Variants in ZNF260 observed in about 807,000 individuals in gnomAD.
The protein encoded by ZNF260 is zinc finger protein 260.
Under a neutral mutation model 29.3 loss-of-function variants are expected in ZNF260, and 21 were observed. That is an observed-to-expected ratio of 0.72 (90% CI 0.51 to 1.03). The LOEUF (loss-of-function observed/expected upper bound fraction) is 1.03. Ranked by LOEUF, ZNF260 falls within the 50% of genes least tolerant of loss-of-function variation. The pLI is 0.00. For synonymous variants in ZNF260, 156 were observed against 156.8 expected (o/e 0.99, Z 0.04); for missense variants, 465 against 487.8 (o/e 0.95, Z 0.44).
At chr19:36,527,035 T>C (rs892172482) in intron 1 of ZNF260, among the ~76,000 whole-genome samples, 1 of 152,158 alleles carries the variant, frequency 6.6e-6, no homozygotes, top group Non-Finnish European at 1.5e-5. Context: ...AGGAGCCCTT[T>C]AGACATAAAG....
intron 1 of ZNF260, 100 bp downstream of exon 1, chr19:36,528,119 C>G (rs2145762037): frequency 6.6e-6 from 1 of 152,476 alleles, no homozygotes; most frequent in Admixed American, 6.5e-5. Flanking sequence ...CCTCCATACT[C>G]CCAGCCCCGT....
chr19:36,517,376 C>CAA (rs926365210), intron 2 of ZNF260: 3 of 151,254 alleles, frequency 2.0e-5, no homozygotes, highest in African/African-American at 7.3e-5. Context: ...GCCTAGGTGA[C>CAA]AGAGTATGAC....
At position 36,514,852 on chromosome 19, in the gene ZNF260, A is replaced by T; in HGVS notation, c.387T>A (p.Asn129Lys). The T allele has an allele frequency of 6.2e-7, 1 of 1,613,758 alleles. No homozygotes were observed. Among genetic ancestry groups the T allele is most frequent in the East Asian group, 2.2e-5 (1 of 44,846 alleles). The change falls in exon 3 of 3, where the codon AAT becomes AAA. Residue 129 changes from asparagine to lysine, a missense_variant. Transcript: ENST00000523638. ...ATGCATAGGGTTTGGTTCCTGTATG[A>T]TTTTTCTGGTGTCTGATGATGGTTG... Reference protein sequence around the residue: ...QMPTIIRHQKNHTGTKPYACK... With the variant: ...QMPTIIRHQKKHTGTKPYACK...
intron 1 of ZNF260, among the ~76,000 whole-genome samples, chr19:36,526,338 C>T (rs914675332): frequency 1.3e-5 from 2 of 151,824 alleles, no homozygotes; most frequent in Admixed American, 1.3e-4. Context: ...GTCAGGAGTT[C>T]GAGACCAGGC....
At position 36,515,177 on chromosome 19, in the gene ZNF260, T is replaced by C. The variant is rs752326054; in HGVS notation, c.62A>G (p.His21Arg). ...ESDLLQHDQI[H>R]TGEKPYECNE... ...ACATTCATAAGGTTTCTCTCCAGTA[T>C]GAATTTGATCATGCTGAAGGAGATC... The change falls in exon 3 of 3, where the codon CAT becomes CGT. Residue 21 changes from histidine (H) to arginine (R), a missense_variant. His to Arg is a conservative substitution (Grantham distance 29). Coordinates refer to ENST00000523638, the MANE Select transcript of ZNF260 (RefSeq NM_001166037.2). The C allele has an allele frequency of 6.2e-7, 1 of 1,612,190 alleles. No homozygotes were observed. Among genetic ancestry groups the C allele is most frequent in the South Asian group, 1.1e-5 (1 of 90,992 alleles).
intron 1 of ZNF260, among the ~76,000 whole-genome samples, chr19:36,527,077 C>A (rs1449600044): frequency 6.6e-6 from 1 of 152,184 alleles, no homozygotes; most frequent in Non-Finnish European, 1.5e-5. Context: ...TCCAGGTGGA[C>A]TGCACATTGG....
At chr19:36,522,252 C>T (rs1010090659) in intron 2 of ZNF260, among the ~76,000 whole-genome samples, 3 of 151,482 alleles carry the variant, frequency 2.0e-5, no homozygotes, top group Non-Finnish European at 2.9e-5. Context: ...GTCAGGAGTT[C>T]GAGACGAGAC....
In ZNF260 at chr19:36,527,933, T is replaced by C. The variant is rs73931039; in HGVS notation, c.-681+286A>G. Among the ~76,000 whole-genome samples, 737 of 152,242 alleles carry C rather than the reference T, an allele frequency of 4.8e-3. 5 individuals are homozygous for C. Among genetic ancestry groups the C allele is most frequent in the African/African-American group, 0.017 (695 of 41,536 alleles). On this transcript the variant is annotated intron_variant, in intron 1 of 2. Transcript: ENST00000523638. Reference sequence around the variant, plus strand: ...GAGAAAAGTGAGGCTTAGAGGTTACTACCTCACAAAGCCATCCGTCCATCC... The same window carrying C: ...GAGAAAAGTGAGGCTTAGAGGTTACCACCTCACAAAGCCATCCGTCCATCC...
chr19:36,514,343 G>T lies in ZNF260; in HGVS notation c.896C>A (p.Thr299Lys). Residue 299 changes from threonine (T) to lysine (K), a missense_variant, in exon 3 of 3, where the codon ACA (threonine) becomes AAA (lysine). Transcript: ENST00000523638. ...ATTACATTCATAGGGTTTCTCTCCT[G>T]TATGAATATTGTGATGTTTAATGAG... ...QYLIKHHNIH[T>K]GEKPYECNKC... The T allele has an allele frequency of 6.2e-7, 1 of 1,614,084 alleles. No individual in the cohort carries two copies. Among genetic ancestry groups the T allele is most frequent in the Non-Finnish European group, 8.5e-7 (1 of 1,179,990 alleles).
chr19:36,514,510 T>C lies in ZNF260; in HGVS notation c.729A>G (p.Thr243=). ...CCTTACACGTATAAGGTTTCTCTCC[T>C]GTGTGACTTCTCTGGTGTCTAATGA... ...SSLIRHQRSH[T]GEKPYTCKEC... Residue 243 remains threonine, a synonymous_variant, in exon 3 of 3, where the codon ACA becomes ACG. Transcript: ENST00000523638. The C allele has an allele frequency of 6.2e-7, 1 of 1,613,920 alleles. No homozygotes were observed. Among genetic ancestry groups the C allele is most frequent in the African/African-American group, 1.3e-5 (1 of 74,952 alleles).
chr19:36,527,606 T>C (rs937574715), intron 1 of ZNF260, among the ~76,000 whole-genome samples: 11 of 152,136 alleles, frequency 7.2e-5, no homozygotes, highest in African/African-American at 1.2e-4. Context: ...GTCTGCGCTA[T>C]TGGAAACTAC....
intron 2 of ZNF260, among the ~76,000 whole-genome samples, chr19:36,518,634 C>G (rs572604100): frequency 6.6e-6 from 1 of 152,156 alleles, no homozygotes; most frequent in South Asian, 2.1e-4. Flanking sequence ...TCAGCATCTA[C>G]TAAAGAAGTT....
intron 2 of ZNF260, among the ~76,000 whole-genome samples, chr19:36,520,104 C>T (rs1194810464): frequency 6.7e-6 from 1 of 148,706 alleles, no homozygotes; most frequent in African/African-American, 2.5e-5. Flanking sequence ...GAGGCTGAGG[C>T]AGGAGAAATG....
In ZNF260 at chr19:36,513,029, T is replaced by C. The variant is rs2034477573; in HGVS notation, c.*971A>G. The C allele has an allele frequency of 2.0e-5, 3 of 152,206 alleles. No individual in the cohort carries two copies. The highest frequency in any genetic ancestry group is 2.0e-4 in the Admixed American group (3 of 15,272). The allele number at this position is 152,206 out of a possible 1,614,324, so 9.4% of individuals were successfully genotyped here. A position where few individuals can be genotyped will look rare whatever the true frequency, so the allele number is the denominator to read the frequency against. On this transcript the variant is annotated 3_prime_UTR_variant, in exon 3 of 3. Transcript: ENST00000523638. ...ACAATAAGGTATTCTGAGAGAAAGA[T>C]CATATTCACATAACTTTTATGATTA...
rs1264906304 is a variant in ZNF260, at chr19:36,514,866, TG to T, written c.372del (p.Arg125AspfsTer199). On this transcript the variant is annotated frameshift_variant, in exon 3 of 3. Transcript: ENST00000523638. LOFTEE classifies it high-confidence loss of function. ...EKVSIQMPTI[I>X]RHQKNHTGTK... Reference sequence around the variant, plus strand: ...GTTCCTGTATGATTTTTCTGGTGTCTGATGATGGTTGGCATCTGAATAGAAA... The same window carrying T: ...GTTCCTGTATGATTTTTCTGGTGTCTATGATGGTTGGCATCTGAATAGAAA... The T allele has an allele frequency of 6.2e-7, 1 of 1,614,148 alleles. No homozygotes were observed. Among genetic ancestry groups the T allele is most frequent in the Non-Finnish European group, 8.5e-7 (1 of 1,180,022 alleles).
In ZNF260 at chr19:36,510,893, C is replaced by T. The variant is rs2034440573; in HGVS notation, c.*3107G>A. ...CTAACTCATGGCACAAAAAGCTAGT[C>T]CTGGTTTGGTCTGAATTTGAGTCCT... On this transcript the variant is annotated 3_prime_UTR_variant, in exon 3 of 3. Coordinates refer to ENST00000523638, the MANE Select transcript of ZNF260 (RefSeq NM_001166037.2). 2.0e-5 allele frequency: 3 copies of T among 152,092 alleles called. No individual in the cohort carries two copies. In the South Asian group the frequency reaches 6.2e-4, roughly 32 times the overall value. 9.4% of individuals were successfully genotyped at this position (152,092 alleles called of 1,614,324 possible).
chr19:36,518,539 T>TA (rs2034590237), intron 2 of ZNF260, among the ~76,000 whole-genome samples: 1 of 151,760 alleles, frequency 6.6e-6, no homozygotes, highest in Non-Finnish European at 1.5e-5. Flanking sequence ...TCTCCTAGAA[T>TA]AAAAAAAGGA....
chr19:36,514,869 T>C lies in ZNF260; in HGVS notation c.370A>G (p.Ile124Val). ...CCTGTATGATTTTTCTGGTGTCTGA[T>C]GATGGTTGGCATCTGAATAGAAACT... ...EKVSIQMPTI[I>V]RHQKNHTGTK... The change falls in exon 3 of 3, where the codon ATC becomes GTC. Residue 124 changes from isoleucine (I) to valine (V), a missense_variant. Ile to Val is a conservative substitution (Grantham distance 29). Transcript: ENST00000523638. 1.9e-6 allele frequency: 3 copies of C among 1,614,110 alleles called. No individual in the cohort carries two copies. The highest frequency in any genetic ancestry group is 2.5e-6 in the Non-Finnish European group (3 of 1,180,006).
chr19:36,521,652 G>T (rs946514029), intron 2 of ZNF260, among the ~76,000 whole-genome samples: 5 of 152,058 alleles, frequency 3.3e-5, no homozygotes, highest in African/African-American at 1.2e-4. Flanking sequence ...TACTCAGGAG[G>T]CTGAGGCAAA....
Sources: allele counts gnomAD v4.1 joint callset (sites outside exome capture counted in the v4.1 genomes callset), GRCh38; gene constraint gnomAD v4.1.1; transcripts MANE v1.5; gene names NCBI Gene and HGNC (gene_info 2026-07-23, HGNC 2026-07-21).